STK39: variants seen among roughly 807,000 people sequenced by gnomAD.
STK39 encodes the protein STE20/SPS1-related proline-alanine-rich protein kinase.
A neutral mutation model predicts 77.8 loss-of-function variants in STK39; 20 were observed. That is an observed-to-expected ratio of 0.26 (90% CI 0.18 to 0.37). The LOEUF (loss-of-function observed/expected upper bound fraction) is 0.37, where lower values mean the gene tolerates loss of function less well. Among genes scored for constraint, STK39 ranks in the 10% least tolerant of loss-of-function variants. The pLI, the probability that STK39 is intolerant of heterozygous loss-of-function variation, is 1.00. For synonymous variants in STK39, 246 were observed against 234.1 expected (o/e 1.05, Z -0.47); for missense variants, 479 against 656.5 (o/e 0.73, Z 2.95).
rs183002291 is a variant in STK39 at position 167,969,271 on chromosome 2, G to A, written c.1499-4545C>T. 7.9e-5 allele frequency among the ~76,000 whole-genome samples: 12 copies of A among 152,154 alleles called. No homozygotes were observed. In the East Asian group the frequency reaches 9.7e-4, roughly 12 times the overall value. ...CCTTGCCTTTGGTCTTACCTCCTCC[G>A]AGCCCTCTTTCTAATACTCACCAGA... On this transcript the variant is annotated intron_variant, in intron 16 of 17. Coordinates refer to ENST00000355999, the MANE Select transcript of STK39 (RefSeq NM_013233.3).
At chr2:168,038,438 C>A (rs1685013878) in intron 14 of STK39, among the ~76,000 whole-genome samples, 2 of 108,734 alleles carry the variant, frequency 1.8e-5, no homozygotes, top group Non-Finnish European at 2.0e-5. Flanking sequence ...AATGTAAAGG[C>A]TAAAATGATT....
chr2:168,165,329 C>A (rs2105593197), intron 3 of STK39, among the ~76,000 whole-genome samples: 1 of 151,892 alleles, frequency 6.6e-6, no homozygotes, highest in South Asian at 2.1e-4. Context: ...CTGTCAGATC[C>A]TCCTCAGAAA....
chr2:167,970,900 T>C (rs948721405), intron 16 of STK39, among the ~76,000 whole-genome samples: 1 of 152,216 alleles, frequency 6.6e-6, no homozygotes, highest in Non-Finnish European at 1.5e-5. Context: ...GTCCATAAAT[T>C]TGTCTGACCA....
Position 168,223,758 on chromosome 2 carries a change from C to T in STK39, c.208+23470G>A, listed in dbSNP as rs78364549. 2.3e-3 allele frequency among the ~76,000 whole-genome samples: 352 copies of T among 152,124 alleles called. 1 individual carries two copies. Among genetic ancestry groups the T allele is most frequent in the Middle Eastern group, 6.8e-3 (2 of 294 alleles). On this transcript the variant is annotated intron_variant, in intron 1 of 17. Transcript: ENST00000355999. ...CACCAACCCTCGCAGGAATGAGGAA[C>T]GGATCAGGCATCAAGTATGCTGAGT...
chr2:167,992,770 T>C lies in STK39; in HGVS notation c.1498+19864A>G, dbSNP rs372246970. Reference sequence around the variant, plus strand: ...ATATAATTAAGGTTGAATTTCTGCATACCAAATATAGTTAAGAAAATGGAA... The same window carrying C: ...ATATAATTAAGGTTGAATTTCTGCACACCAAATATAGTTAAGAAAATGGAA... On this transcript the variant is annotated intron_variant, in intron 16 of 17. Coordinates refer to ENST00000355999, the MANE Select transcript of STK39 (RefSeq NM_013233.3). 1.3e-3 allele frequency among the ~76,000 whole-genome samples: 191 copies of C among 152,306 alleles called. 1 individual carries two copies. Among genetic ancestry groups the C allele is most frequent in the African/African-American group, 4.0e-3 (168 of 41,562 alleles).
At chr2:168,140,591 T>G (rs1447270401) in intron 6 of STK39, 58 bp downstream of exon 6, 3 of 1,375,912 alleles carry the variant, frequency 2.2e-6, no homozygotes, top group Admixed American at 3.9e-5. Context: ...GTTAGCATAT[T>G]AATGATCTGT....
At chr2:167,959,101 GATTT>G (rs71003016) in intron 17 of STK39, among the ~76,000 whole-genome samples, 97,647 of 149,246 alleles carry the variant, frequency 0.65, 32,354 homozygotes, top group Non-Finnish European at 0.71. Context: ...AATATTGTCA[GATTT>G]ATTTATTTAT....
At chr2:168,130,321 C>G (rs771481938) in intron 8 of STK39, among the ~76,000 whole-genome samples, 8 of 152,160 alleles carry the variant, frequency 5.3e-5, no homozygotes, top group Non-Finnish European at 1.2e-4. Context: ...GAAGCATTAC[C>G]AGATGGTGTG....
intron 1 of STK39, among the ~76,000 whole-genome samples, chr2:168,226,347 C>T (rs926918455): frequency 1.3e-5 from 2 of 152,040 alleles, no homozygotes; most frequent in African/African-American, 4.8e-5. Flanking sequence ...AGATTCCTGT[C>T]CCCCTATTCC....
chr2:168,245,362 A>G (rs925853191), intron 1 of STK39, among the ~76,000 whole-genome samples: 2 of 152,188 alleles, frequency 1.3e-5, no homozygotes, highest in Non-Finnish European at 2.9e-5. Flanking sequence ...TAGGGCAGGG[A>G]TCACTTTTGT....
intron 14 of STK39, among the ~76,000 whole-genome samples, chr2:168,047,391 T>C (rs562244388): frequency 3.9e-5 from 6 of 152,312 alleles, no homozygotes; most frequent in African/African-American, 1.4e-4. Context: ...AGAGAAAGAC[T>C]TCTCTTTCGG....
chr2:168,174,074 G>T (rs1293461096), intron 2 of STK39, among the ~76,000 whole-genome samples: 1 of 152,192 alleles, frequency 6.6e-6, no homozygotes, highest in Non-Finnish European at 1.5e-5. Flanking sequence ...TGGAAGGCAG[G>T]TTTACAAATG....
Position 168,070,829 on chromosome 2 carries a change from G to A in STK39, c.1242+4153C>T, listed in dbSNP as rs185039906. Among the ~76,000 whole-genome samples the A allele has an allele frequency of 9.8e-3, 1,487 of 152,026 alleles. 19 individuals carry two copies. Among genetic ancestry groups the A allele is most frequent in the African/African-American group, 0.034 (1,418 of 41,440 alleles). On this transcript the variant is annotated intron_variant, in intron 12 of 17. Coordinates refer to ENST00000355999, the MANE Select transcript of STK39 (RefSeq NM_013233.3). The stretch of plus-strand genomic sequence containing the variant: ...TAAAATATCAGGTTAGGAACACAAG[G>A]CCAATTTTTCAATGTGATGGCTATG...
chr2:168,106,618 G>A (rs993702458), intron 10 of STK39, among the ~76,000 whole-genome samples: 1 of 152,042 alleles, frequency 6.6e-6, no homozygotes, highest in Non-Finnish European at 1.5e-5. Flanking sequence ...TCAGTAGTTG[G>A]AGAACAGCCT....
At chr2:168,195,755 G>A (rs918548755) in intron 1 of STK39, among the ~76,000 whole-genome samples, 43 of 152,202 alleles carry the variant, frequency 2.8e-4, no homozygotes, top group African/African-American at 1.0e-3. Flanking sequence ...GGTGGCTCAC[G>A]CCTGTAATCT....
At chr2:168,166,666 T>C (rs1395114240) in intron 3 of STK39, among the ~76,000 whole-genome samples, 1 of 152,218 alleles carries the variant, frequency 6.6e-6, no homozygotes, top group Non-Finnish European at 1.5e-5. Context: ...TACAAGGTGA[T>C]TTAAATGTAA....
At chr2:168,021,960 T>C (rs1684583057) in intron 14 of STK39, among the ~76,000 whole-genome samples, 1 of 152,176 alleles carries the variant, frequency 6.6e-6, no homozygotes, top group Admixed American at 6.5e-5. Flanking sequence ...TTGAGATGTT[T>C]TATGCATGTA....
intron 1 of STK39, among the ~76,000 whole-genome samples, chr2:168,244,198 GAAC>G (rs1422714588): frequency 1.3e-5 from 2 of 152,088 alleles, no homozygotes; most frequent in African/African-American, 2.4e-5. Context: ...TAAAACACAA[GAAC>G]AACAATACAA....
intron 8 of STK39, among the ~76,000 whole-genome samples, chr2:168,137,004 A>C (rs1467856204): frequency 6.6e-6 from 1 of 152,224 alleles, no homozygotes; most frequent in Non-Finnish European, 1.5e-5. Flanking sequence ...AAAAGATTCA[A>C]GGCAAATTCA....
Sources: gnomAD v4.1 joint callset for allele counts (sites outside exome capture counted in the v4.1 genomes callset) on GRCh38, gnomAD v4.1.1 for gene constraint, MANE v1.5 for transcripts, NCBI Gene and HGNC (gene_info 2026-07-23, HGNC 2026-07-21) for gene names.